The following NXPH2 variants were observed in gnomAD, a reference collection of about 807,000 sequenced individuals.
The protein encoded by NXPH2 is neurexophilin 2.
A neutral mutation model predicts 19.8 loss-of-function variants in NXPH2; 5 were observed. That is an observed-to-expected ratio of 0.25 (90% confidence interval 0.13 to 0.53). The LOEUF (loss-of-function observed/expected upper bound fraction) is 0.53. NXPH2 is among the 20% of genes least tolerant of loss of function. The pLI is 0.96. For synonymous variants in NXPH2, 154 were observed against 127.4 expected, an observed-to-expected ratio of 1.21 and a Z score of -1.41; for missense variants, 289 against 322.8, an observed-to-expected ratio of 0.90 and a Z score of 0.80.
chr2:138,704,806 A>G (rs1573960336), intron 1 of NXPH2, among the ~76,000 whole-genome samples: 1 of 147,212 alleles, frequency 6.8e-6, no homozygotes. Context: ...ACATGTGTGC[A>G]CCACCACGCC....
intron 1 of NXPH2, among the ~76,000 whole-genome samples, chr2:138,745,493 CGGG>C (rs56011084): frequency 0.38 from 34,811 of 90,458 alleles, 6,098 homozygotes; most frequent in Non-Finnish European, 0.48. Flanking sequence ...CTTTTTTTGG[CGGG>C]GGGGGGGGGG....
chr2:138,748,768 A>G (rs1323164389), intron 1 of NXPH2, among the ~76,000 whole-genome samples: 3 of 152,196 alleles, frequency 2.0e-5, no homozygotes, highest in African/African-American at 7.2e-5. Flanking sequence ...ATGGCACATT[A>G]TTGCAAAGCT....
intron 1 of NXPH2, among the ~76,000 whole-genome samples, chr2:138,689,471 G>A (rs764361283): frequency 1.3e-5 from 2 of 152,120 alleles, no homozygotes; most frequent in Non-Finnish European, 2.9e-5. Flanking sequence ...CAGCGTACAC[G>A]GGACAATTAG....
At chr2:138,726,231 G>A (rs1681356463) in intron 1 of NXPH2, among the ~76,000 whole-genome samples, 1 of 152,062 alleles carries the variant, frequency 6.6e-6, no homozygotes, top group South Asian at 2.1e-4. Context: ...TTTTAGTAGA[G>A]ATGGGATTTC....
At chr2:138,757,853 CTATCT>C (rs1223381962) in intron 1 of NXPH2, among the ~76,000 whole-genome samples, 13 of 145,244 alleles carry the variant, frequency 9.0e-5, no homozygotes, top group Admixed American at 2.0e-4. Context: ...ATCTATCTAT[CTATCT>C]ATCTATCTCC....
chr2:138,693,109 T>C (rs1156269202), intron 1 of NXPH2, among the ~76,000 whole-genome samples: 1 of 152,198 alleles, frequency 6.6e-6, no homozygotes, highest in Non-Finnish European at 1.5e-5. Flanking sequence ...TTTTCATGGT[T>C]TGTTCCATGA....
Position 138,670,737 on chromosome 2 carries a change from TA to T in NXPH2, c.*184del, listed in dbSNP as rs1447019727. 1.7e-6 allele frequency: 1 copy of T among 573,846 alleles called. No homozygotes were observed. The highest frequency in any genetic ancestry group is 1.9e-5 in the African/African-American group (1 of 52,942). 35.5% of individuals were successfully genotyped at this position (573,846 alleles called of 1,614,324 possible). On this transcript the variant is annotated 3_prime_UTR_variant, in exon 2 of 2. Coordinates refer to ENST00000272641, the MANE Select transcript of NXPH2 (RefSeq NM_007226.3). ...ACTTTTTAGATAAAGGTACCTACGA[TA>T]GAAAGAAACAAATTTCACACTTAAA... is the stretch of plus-strand genomic sequence containing the variant.
rs186425815 is a variant in NXPH2 at position 138,671,945 on chromosome 2, A to G, written c.52-280T>C. Among the ~76,000 whole-genome samples, 260 of 152,300 alleles carry G rather than the reference A, an allele frequency of 1.7e-3. 1 individual carries two copies. Among genetic ancestry groups the G allele is most frequent in the Non-Finnish European group, 1.1e-3 (74 of 68,022 alleles). On this transcript the variant is annotated intron_variant, in intron 1 of 1. Coordinates refer to ENST00000272641, the MANE Select transcript of NXPH2 (RefSeq NM_007226.3). ...TAGTCTCTGTTTCCTGATCTTCACA[A>G]TTCTATTTTTCCAGATTGGGGGAAG...
rs116697035 is a variant in NXPH2 at position 138,682,359 on chromosome 2, T to C, written c.52-10694A>G. 6.0e-3 allele frequency among the ~76,000 whole-genome samples: 918 copies of C among 152,242 alleles called. 7 individuals are homozygous for C. The highest frequency in any genetic ancestry group is 0.022 in the African/African-American group (896 of 41,548). ...CTGCCGGACAGCATACAATGCTGTATTGATGATTAGTAGTATGGCTTGCCC... is the reference window on the plus strand; with the variant it reads ...CTGCCGGACAGCATACAATGCTGTACTGATGATTAGTAGTATGGCTTGCCC... On this transcript the variant is annotated intron_variant, in intron 1 of 1. Coordinates refer to ENST00000272641, the MANE Select transcript of NXPH2 (RefSeq NM_007226.3).
rs1471208027 is a variant in NXPH2, at chr2:138,670,417, A to T, written c.*505T>A. ...TTTTACCTTTTTTTCTCTCATATCAATAACAGCACAGATGGATGGGGGAAA... is the reference window on the plus strand; with the variant it reads ...TTTTACCTTTTTTTCTCTCATATCATTAACAGCACAGATGGATGGGGGAAA... On this transcript the variant is annotated 3_prime_UTR_variant, in exon 2 of 2. Transcript: ENST00000272641. 6.6e-6 allele frequency among the ~76,000 whole-genome samples: 1 copy of T among 152,220 alleles called. No individual in the cohort carries two copies. Among genetic ancestry groups the T allele is most frequent in the East Asian group, 1.9e-4 (1 of 5,202 alleles).
At chr2:138,732,584 C>T (rs1258140648) in intron 1 of NXPH2, among the ~76,000 whole-genome samples, 2 of 152,182 alleles carry the variant, frequency 1.3e-5, no homozygotes, top group African/African-American at 4.8e-5. Context: ...TGCCTAAAAG[C>T]TCTGCTGTGC....
intron 1 of NXPH2, among the ~76,000 whole-genome samples, chr2:138,771,068 A>T (rs1220390973): frequency 1.3e-5 from 2 of 152,134 alleles, no homozygotes; most frequent in African/African-American, 4.8e-5. Flanking sequence ...ATTTCAGAAA[A>T]CATTTATAAT....
chr2:138,765,718 A>G (rs1682079673), intron 1 of NXPH2, among the ~76,000 whole-genome samples: 1 of 152,198 alleles, frequency 6.6e-6, no homozygotes, highest in Admixed American at 6.5e-5. Flanking sequence ...CAAATTTTAC[A>G]CTCACAATCA....
chr2:138,707,123 A>AAGAAGC (rs1681030083), intron 1 of NXPH2, among the ~76,000 whole-genome samples: 1 of 148,792 alleles, frequency 6.7e-6, no homozygotes, highest in Non-Finnish European at 1.5e-5. Context: ...GAGCAAGAAG[A>AAGAAGC]AGAAGCAACA....
intron 1 of NXPH2, among the ~76,000 whole-genome samples, chr2:138,693,268 G>A (rs1680771336): frequency 6.6e-6 from 1 of 152,140 alleles, no homozygotes; most frequent in African/African-American, 2.4e-5. Context: ...ACTTACAAGA[G>A]AGAACTTGCT....
At chr2:138,717,791 G>A (rs1283859073) in intron 1 of NXPH2, among the ~76,000 whole-genome samples, 1 of 151,830 alleles carries the variant, frequency 6.6e-6, no homozygotes, top group Non-Finnish European at 1.5e-5. Context: ...GAATCAAATG[G>A]ATCAAAAACA....
intron 1 of NXPH2, among the ~76,000 whole-genome samples, chr2:138,689,561 A>G (rs1680714699): frequency 6.6e-6 from 1 of 152,180 alleles, no homozygotes; most frequent in African/African-American, 2.4e-5. Flanking sequence ...CAAGGAAGAA[A>G]TTATTCAGAT....
chr2:138,747,846 G>A (rs4575658), intron 1 of NXPH2, among the ~76,000 whole-genome samples: 6,122 of 152,148 alleles, frequency 0.04, 144 homozygotes, highest in Middle Eastern at 0.085. Flanking sequence ...ATTTGTCTAC[G>A]CTGCCTCCCT....
intron 1 of NXPH2, among the ~76,000 whole-genome samples, chr2:138,758,285 G>A (rs937188977): frequency 6.6e-6 from 1 of 152,028 alleles, no homozygotes; most frequent in African/African-American, 2.4e-5. Context: ...GATCTACCCA[G>A]GATCCTAGGA....
Sources: allele counts gnomAD v4.1 joint callset (sites outside exome capture counted in the v4.1 genomes callset), GRCh38; gene constraint gnomAD v4.1.1; transcripts MANE v1.5; gene names NCBI Gene and HGNC (gene_info 2026-07-23, HGNC 2026-07-21).